C5orf58: variants seen among roughly 807,000 people sequenced by gnomAD.
C5orf58 encodes putative uncharacterized protein C5orf58.
C5orf58 carries 2 observed loss-of-function variants against 2.9 expected under a neutral mutation model. The observed-to-expected ratio is 0.69, with a 90% CI of 0.28 to 2.18. C5orf58 has a LOEUF of 2.18. Ranked by LOEUF, C5orf58 falls within the 30% of genes most tolerant of loss-of-function variation. The probability of loss-of-function intolerance (pLI) is 0.13; values close to 1 mark genes in which losing one functional copy is unlikely to be tolerated. For synonymous variants in C5orf58, 37 were observed against 33.4 expected, an observed-to-expected ratio of 1.11 and a Z score of -0.37; for missense variants, 96 against 91.7, an observed-to-expected ratio of 1.05 and a Z score of -0.19.
downstream of C5orf58, chr5:170,248,416 C>T (rs1761348074): frequency 3.6e-6 from 1 of 280,232 alleles, no homozygotes. Context: ...TTGAAATGGG[C>T]ATTAAATAAT....
chr5:170,245,856 A>C, intron 3 of C5orf58, 106 bp from the exon 4 acceptor site: 3 of 1,127,252 alleles, frequency 2.7e-6, no homozygotes, highest in Non-Finnish European at 3.8e-6. Flanking sequence ...TTTGATCACT[A>C]ATCACTTGGA....
intron 3 of C5orf58, among the ~76,000 whole-genome samples, chr5:170,241,530 T>G (rs937129284): frequency 2.0e-5 from 3 of 150,774 alleles, no homozygotes; most frequent in African/African-American, 7.5e-5. Flanking sequence ...TTTTATTCTC[T>G]TTGAAGCAAT....
chr5:170,245,186 CAGGG>C (rs1411054120), intron 3 of C5orf58, among the ~76,000 whole-genome samples: 1 of 152,178 alleles, frequency 6.6e-6, no homozygotes, highest in East Asian at 1.9e-4. Context: ...AGCTGTCAGA[CAGGG>C]ACATTTAAGT....
At chr5:170,250,841 G>C (rs1761421534), downstream of C5orf58, 2 of 1,612,920 alleles carry the variant, frequency 1.2e-6, no homozygotes, top group Non-Finnish European at 1.7e-6. Flanking sequence ...CATATGGATT[G>C]GTTGTTGTTT....
chr5:170,235,758 T>G (rs1017660283), intron 3 of C5orf58, among the ~76,000 whole-genome samples: 23 of 152,170 alleles, frequency 1.5e-4, no homozygotes, highest in African/African-American at 5.3e-4. Flanking sequence ...GAATATGTAG[T>G]TATTCTTTTT....
intron 3 of C5orf58, among the ~76,000 whole-genome samples, chr5:170,239,088 G>A (rs1257616480): frequency 6.6e-6 from 1 of 152,144 alleles, no homozygotes; most frequent in Admixed American, 6.5e-5. Flanking sequence ...GAGGAGAGAC[G>A]TTTAACAATA....
Position 170,246,043 on chromosome 5 carries a change from G to C in C5orf58, c.176G>C (p.Arg59Thr). The part of the protein sequence containing the change: ...IKTENLAEAE[R>T]NNPLFEESKI... ...ACTGAGAACTTAGCAGAAGCAGAAA[G>C]AAACAACCCCCTCTTTGAAGAGTCT... The change falls in exon 4 of 4, where the codon AGA becomes ACA. Residue 59 changes from arginine to threonine, a missense_variant. Coordinates refer to ENST00000593851, the MANE Select transcript of C5orf58 (RefSeq NM_001102609.3). The C allele has an allele frequency of 1.2e-6, 2 of 1,613,676 alleles. No homozygotes were observed. Among genetic ancestry groups the C allele is most frequent in the African/African-American group, 1.3e-5 (1 of 75,030 alleles).
At chr5:170,237,160 A>G (rs906376423) in intron 3 of C5orf58, 5 of 396,968 alleles carry the variant, frequency 1.3e-5, no homozygotes, top group Non-Finnish European at 2.2e-5. Context: ...TGGGTAGGTC[A>G]GGCAGTTAGA....
At chr5:170,242,502 C>G (rs1761058269) in intron 3 of C5orf58, among the ~76,000 whole-genome samples, 1 of 123,808 alleles carries the variant, frequency 8.1e-6, no homozygotes, top group Non-Finnish European at 1.7e-5. Flanking sequence ...CTGGTTTAGT[C>G]TTGGGAGAGT....
chr5:170,238,136 A>T (rs1398857617), intron 3 of C5orf58, among the ~76,000 whole-genome samples: 1 of 152,202 alleles, frequency 6.6e-6, no homozygotes, highest in Non-Finnish European at 1.5e-5. Flanking sequence ...GGCACAACAG[A>T]TACTTGAGGG....
At chr5:170,233,983 A>G in intron 1 of C5orf58, 132 bp from the exon 2 acceptor site, 1 of 419,534 alleles carries the variant, frequency 2.4e-6, no homozygotes, top group Non-Finnish European at 4.6e-6. Flanking sequence ...TTGTTAAAAT[A>G]TCATCTTTCT....
chr5:170,237,148 T>A lies in C5orf58; in HGVS notation c.94+2078T>A, dbSNP rs2113092831. 3 of 396,504 alleles carry A rather than the reference T, an allele frequency of 7.6e-6. 1 individual carries two copies. In the South Asian group the frequency reaches 3.9e-4, roughly 52 times the overall value. The allele number at this position is 396,504 out of a possible 1,614,324, so 24.6% of individuals were successfully genotyped here. A position where few individuals can be genotyped will look rare whatever the true frequency, so the allele number is the denominator to read the frequency against. On this transcript the variant is annotated intron_variant, in intron 3 of 3. Coordinates refer to ENST00000593851, the MANE Select transcript of C5orf58 (RefSeq NM_001102609.3). ...TGATAGATGTTTTCTTGAGACATTG[T>A]ATGGGTAGGTCAGGCAGTTAGACTC...
At chr5:170,241,615 G>A (rs1315388500) in intron 3 of C5orf58, among the ~76,000 whole-genome samples, 4 of 151,310 alleles carry the variant, frequency 2.6e-5, no homozygotes, top group South Asian at 2.1e-4. Context: ...TGTGATTTTC[G>A]TACATTGATT....
intron 3 of C5orf58, among the ~76,000 whole-genome samples, chr5:170,235,484 A>G (rs1163158229): frequency 1.3e-5 from 2 of 152,206 alleles, no homozygotes; most frequent in East Asian, 1.9e-4. Flanking sequence ...ACAGATTCAT[A>G]TAGTAGGATT....
intron 1 of C5orf58, chr5:170,233,769 C>T (rs1328068951): frequency 8.6e-6 from 2 of 231,488 alleles, no homozygotes; most frequent in African/African-American, 4.7e-5. Flanking sequence ...CCTGTCCTGC[C>T]TCCAGTCCAG....
At chr5:170,238,334 A>T (rs1333141325) in intron 3 of C5orf58, among the ~76,000 whole-genome samples, 1 of 152,202 alleles carries the variant, frequency 6.6e-6, no homozygotes, top group East Asian at 1.9e-4. Context: ...CTTGGAAATT[A>T]AAAATGTGAC....
At chr5:170,248,311 A>G (rs1453322541), downstream of C5orf58, 2 of 164,772 alleles carry the variant, frequency 1.2e-5, no homozygotes, top group African/African-American at 4.8e-5. Flanking sequence ...GCTGTAAAAA[A>G]CAAATCAGTT....
At chr5:170,242,905 G>A (rs1432152668) in intron 3 of C5orf58, among the ~76,000 whole-genome samples, 1 of 143,830 alleles carries the variant, frequency 7.0e-6, no homozygotes, top group African/African-American at 2.6e-5. Flanking sequence ...GCTTTCTCTT[G>A]TGGGCATTTA....
chr5:170,245,580 C>G lies in C5orf58; in HGVS notation c.95-382C>G, dbSNP rs567956906. ...CTTTCTTTGACTCGGAAAGGGAACTCCCTGACCCCTTGCACTTCCCAAGTG... is the reference window on the plus strand; with the variant it reads ...CTTTCTTTGACTCGGAAAGGGAACTGCCTGACCCCTTGCACTTCCCAAGTG... On this transcript the variant is annotated intron_variant, in intron 3 of 3. Coordinates refer to ENST00000593851, the MANE Select transcript of C5orf58 (RefSeq NM_001102609.3). Among the ~76,000 whole-genome samples the G allele has an allele frequency of 2.3e-3, 351 of 152,354 alleles. 4 individuals are homozygous for G. The highest frequency in any genetic ancestry group is 8.1e-3 in the African/African-American group (337 of 41,578).
Sources: gnomAD v4.1 joint callset for allele counts (sites outside exome capture counted in the v4.1 genomes callset) on GRCh38, gnomAD v4.1.1 for gene constraint, MANE v1.5 for transcripts, NCBI Gene and HGNC (gene_info 2026-07-23, HGNC 2026-07-21) for gene names.